NVL: variants seen among roughly 807,000 people sequenced by gnomAD.
NVL encodes the protein nuclear VCP like, also known as nuclear valosin-containing protein-like.
A neutral mutation model predicts 110.2 loss-of-function variants in NVL; 84 were observed. The observed-to-expected ratio is 0.76, with a 90% CI of 0.64 to 0.91. NVL has a LOEUF of 0.91. Ranked by LOEUF, NVL falls within the 40% of genes least tolerant of loss-of-function variation. The pLI, the probability that NVL is intolerant of heterozygous loss-of-function variation, is 0.00. For missense variants in NVL, 882 were observed against 1,035.9 expected, an observed-to-expected ratio of 0.85 and a Z score of 2.04; for synonymous variants, 354 against 361.1, an observed-to-expected ratio of 0.98 and a Z score of 0.22.
rs1571961439 is a variant in NVL at position 224,289,677 on chromosome 1, T to C, written c.1382A>G (p.His461Arg). 1.2e-6 allele frequency: 2 copies of C among 1,614,126 alleles called. No individual in the cohort carries two copies. The highest frequency in any genetic ancestry group is 1.3e-5 in the African/African-American group (1 of 74,948). Reference protein sequence around the residue: ...LRLPQAFDFCHLAHLTPGFVG... With the variant: ...LRLPQAFDFCRLAHLTPGFVG... ...AAAGCCTGGAGTTAGGTGTGCTAAG[T>C]GACAGAAATCAAAAGCTTGAGGAAG... The change falls in exon 13 of 23, where the codon CAC becomes CGC. Residue 461 changes from histidine to arginine, a missense_variant. Transcript: ENST00000281701.
chr1:224,283,368 TC>T (rs1419647390), intron 15 of NVL, among the ~76,000 whole-genome samples: 4 of 152,080 alleles, frequency 2.6e-5, no homozygotes, highest in Non-Finnish European at 5.9e-5. Context: ...GCACCTGTAG[TC>T]CCAGCTACTC....
chr1:224,270,217 C>T (rs1664946565), intron 17 of NVL, among the ~76,000 whole-genome samples: 1 of 152,054 alleles, frequency 6.6e-6, no homozygotes, highest in Admixed American at 6.5e-5. Context: ...GCAAGACAAA[C>T]TCAGAGTCAA....
chr1:224,311,013 G>A (rs190706081), intron 5 of NVL, among the ~76,000 whole-genome samples: 3 of 152,134 alleles, frequency 2.0e-5, no homozygotes, highest in Admixed American at 1.3e-4. Context: ...GATTACAGAC[G>A]TGAGCCATAA....
At chr1:224,308,542 T>C (rs1217867207) in intron 5 of NVL, among the ~76,000 whole-genome samples, 1 of 151,422 alleles carries the variant, frequency 6.6e-6, no homozygotes, top group Admixed American at 6.6e-5. Flanking sequence ...AATACAAAAA[T>C]TAGCCGGGCG....
intron 19 of NVL, among the ~76,000 whole-genome samples, chr1:224,246,295 G>C (rs1483076832): frequency 6.6e-6 from 1 of 152,218 alleles, no homozygotes; most frequent in Admixed American, 6.5e-5. Context: ...CTCCCAAAGT[G>C]CTGGGATTAT....
chr1:224,298,532 T>G lies in NVL; in HGVS notation c.1063-1914A>C, dbSNP rs562273143. On this transcript the variant is annotated intron_variant, in intron 10 of 22. Transcript: ENST00000281701. ...TGTCAGCATGCTCCACCCAGAGAAG[T>G]GCACTCTGAGAACCAATAGGAAGGA... 3.6e-5 allele frequency: 8 copies of G among 219,728 alleles called. No homozygotes were observed. In the South Asian group the frequency reaches 5.6e-4, roughly 15 times the overall value. 13.6% of individuals were successfully genotyped at this position (219,728 alleles called of 1,614,324 possible).
At chr1:224,270,540 G>A (rs1380303179) in intron 17 of NVL, among the ~76,000 whole-genome samples, 4 of 151,866 alleles carry the variant, frequency 2.6e-5, no homozygotes, top group Admixed American at 6.6e-5. Flanking sequence ...CCTGGGCGAC[G>A]GAGTGAGACT....
chr1:224,313,077 TG>T, intron 4 of NVL: 1 of 390,346 alleles, frequency 2.6e-6, no homozygotes, highest in Non-Finnish European at 5.3e-6. Flanking sequence ...GAGGATCGCT[TG>T]GGCCTGGGAC....
intron 14 of NVL, among the ~76,000 whole-genome samples, chr1:224,286,881 AAAAGT>A (rs1246655370): frequency 3.3e-5 from 5 of 152,216 alleles, no homozygotes; most frequent in Non-Finnish European, 7.3e-5. Flanking sequence ...TGATGAGTAG[AAAAGT>A]AAAGTAAATA....
At chr1:224,282,829 A>G (rs1188549772) in intron 15 of NVL, among the ~76,000 whole-genome samples, 1 of 152,210 alleles carries the variant, frequency 6.6e-6, no homozygotes. Context: ...CATACTTAGT[A>G]TGTGCAGGTG....
chr1:224,230,656 T>C (rs1281833631), intron 22 of NVL, among the ~76,000 whole-genome samples: 1 of 152,094 alleles, frequency 6.6e-6, no homozygotes, highest in East Asian at 1.9e-4. Flanking sequence ...GTCATTCTCT[T>C]TCTGAATAAA....
intron 12 of NVL, among the ~76,000 whole-genome samples, chr1:224,292,839 T>C (rs903747299): frequency 2.0e-5 from 3 of 151,654 alleles, no homozygotes; most frequent in Admixed American, 6.6e-5. Context: ...CAACCTCCAC[T>C]TCCCAGGTTC....
chr1:224,253,455 C>T (rs577988201), intron 18 of NVL, among the ~76,000 whole-genome samples: 1 of 151,720 alleles, frequency 6.6e-6, no homozygotes, highest in Non-Finnish European at 1.5e-5. Context: ...AAATTGCTGG[C>T]CGGGTGGAGT....
intron 18 of NVL, among the ~76,000 whole-genome samples, chr1:224,265,034 C>A (rs541356489): frequency 6.6e-6 from 1 of 152,042 alleles, no homozygotes; most frequent in Non-Finnish European, 1.5e-5. Flanking sequence ...TGTGAGCCAC[C>A]GTGCCCGGCC....
At position 224,281,160 on chromosome 1, in the gene NVL, T is replaced by C. The variant is rs755307913; in HGVS notation, c.1925A>G (p.Asn642Ser). Residue 642 changes from asparagine (N) to serine (S), a missense_variant, in exon 16 of 23, where the codon AAT becomes AGT. This residue lies in a region of NVL where 416 missense variants were observed against 499.3 expected (regional missense o/e 0.83). Coordinates refer to ENST00000281701, the MANE Select transcript of NVL (RefSeq NM_002533.4). ...TTCGGGGCCCTTGACAGATATAAAA[T>C]TTAGTCCGGACTCATTTGCAACAGC... ...AKAVANESGLNFISVKGPELL... is the reference protein window; with the variant it reads ...AKAVANESGLSFISVKGPELL... The C allele has an allele frequency of 1.2e-6, 2 of 1,613,860 alleles. No individual in the cohort carries two copies. Among genetic ancestry groups the C allele is most frequent in the South Asian group, 1.1e-5 (1 of 91,050 alleles).
intron 2 of NVL, among the ~76,000 whole-genome samples, chr1:224,319,200 A>G (rs1357157023): frequency 1.3e-5 from 2 of 151,716 alleles, no homozygotes; most frequent in Admixed American, 6.6e-5. Context: ...GCTACAATAC[A>G]ATTAGCACAA....
rs568759549 is a variant in NVL, at chr1:224,326,299, T to C, written c.131+92A>G. The stretch of plus-strand genomic sequence containing the variant: ...TTGGTGAACTAATGCCAGCAGCTAC[T>C]GATATCAACTGGAAATTTAGGCAGG... On this transcript the variant is annotated intron_variant, in intron 2 of 22. Transcript: ENST00000281701. 283 of 814,870 alleles carry C rather than the reference T, an allele frequency of 3.5e-4. 1 individual carries two copies. The highest frequency in any genetic ancestry group is 5.2e-4 in the Non-Finnish European group (259 of 499,914). The allele number at this position is 814,870 out of a possible 1,614,324, so 50.5% of individuals were successfully genotyped here.
At chr1:224,252,350 C>G (rs1042717725) in intron 18 of NVL, among the ~76,000 whole-genome samples, 2 of 152,110 alleles carry the variant, frequency 1.3e-5, no homozygotes, top group African/African-American at 4.8e-5. Context: ...ATTCCTGACT[C>G]CTCCACAAAG....
rs773190032 is a variant in NVL at position 224,290,801 on chromosome 1, C to CAA, written c.1326-1070_1326-1069dup. 6.1e-4 allele frequency among the ~76,000 whole-genome samples: 48 copies of CAA among 78,656 alleles called. No individual in the cohort carries two copies. In the East Asian group the frequency reaches 7.0e-3, roughly 12 times the overall value. 51.6% of individuals were successfully genotyped at this position (78,656 alleles called of 152,430 possible). On this transcript the variant is annotated intron_variant, in intron 12 of 22. Transcript: ENST00000281701. The stretch of plus-strand genomic sequence containing the variant: ...TGGGCAACAGAGCGAGACTCTGTCT[C>CAA]AAAAAAAAAAAAAAAAAAATTAGCT...
Sources: allele counts gnomAD v4.1 joint callset (sites outside exome capture counted in the v4.1 genomes callset), GRCh38; gene constraint gnomAD v4.1.1; regional missense constraint gnomAD v4.1.1; transcripts MANE v1.5; gene names NCBI Gene and HGNC (gene_info 2026-07-23, HGNC 2026-07-21).